SLC6A6: variants seen among roughly 807,000 people sequenced by gnomAD.
SLC6A6 encodes solute carrier family 6 member 6.
In SLC6A6, 16 loss-of-function variants were observed where a neutral mutation model predicts 68.8. The observed-to-expected ratio is 0.23, with a 90% CI of 0.16 to 0.35. SLC6A6 has a LOEUF of 0.35. Ranked by LOEUF, SLC6A6 falls within the 10% of genes least tolerant of loss-of-function variation. The pLI is 1.00. For missense variants in SLC6A6, 474 were observed against 802.8 expected (o/e 0.59, Z 4.95); for synonymous variants, 312 against 315.4 (o/e 0.99, Z 0.12).
intron 2 of SLC6A6, among the ~76,000 whole-genome samples, chr3:14,426,590 A>G (rs1458318355): frequency 6.6e-6 from 1 of 152,260 alleles, no homozygotes; most frequent in Non-Finnish European, 1.5e-5. Context: ...GATTTAAGGA[A>G]AGAAAAAAAT....
intron 2 of SLC6A6, among the ~76,000 whole-genome samples, chr3:14,425,992 C>A (rs1008678946): frequency 6.6e-6 from 1 of 152,176 alleles, no homozygotes; most frequent in African/African-American, 2.4e-5. Context: ...CTGGGCCTCG[C>A]GCAGCCAGGG....
intron 6 of SLC6A6, among the ~76,000 whole-genome samples, chr3:14,461,520 C>T (rs767398448): frequency 2.0e-5 from 3 of 152,220 alleles, no homozygotes; most frequent in Non-Finnish European, 4.4e-5. Context: ...CAGACACTCA[C>T]ACAGGAAGTG....
At chr3:14,432,968 A>T (rs1699763428) in intron 2 of SLC6A6, among the ~76,000 whole-genome samples, 1 of 152,202 alleles carries the variant, frequency 6.6e-6, no homozygotes, top group Non-Finnish European at 1.5e-5. Flanking sequence ...CTTTGACCAG[A>T]GACGTCTTTG....
intron 6 of SLC6A6, among the ~76,000 whole-genome samples, chr3:14,463,630 C>G (rs1700546868): frequency 6.6e-6 from 1 of 152,262 alleles, no homozygotes; most frequent in Non-Finnish European, 1.5e-5. Context: ...GCCTGTCCGC[C>G]TGTCCTCAGG....
At chr3:14,470,231 C>T (rs1172086247) in intron 9 of SLC6A6, among the ~76,000 whole-genome samples, 20 of 152,126 alleles carry the variant, frequency 1.3e-4, no homozygotes, top group Non-Finnish European at 2.9e-5. Context: ...TTTTTCCTCC[C>T]GTCCACTTCA....
intron 2 of SLC6A6, among the ~76,000 whole-genome samples, chr3:14,442,985 T>C (rs900792491): frequency 6.6e-6 from 1 of 152,264 alleles, no homozygotes; most frequent in Non-Finnish European, 1.5e-5. Context: ...ATTGCACATC[T>C]ATTTCATAAA....
chr3:14,418,480 G>T (rs55690701), intron 2 of SLC6A6, among the ~76,000 whole-genome samples: 5,459 of 152,206 alleles, frequency 0.036, 297 homozygotes, highest in African/African-American at 0.12. Flanking sequence ...CATCGGGCAG[G>T]GGTGTGTACC....
chr3:14,404,001 C>T (rs1699048387), intron 1 of SLC6A6, among the ~76,000 whole-genome samples: 1 of 152,200 alleles, frequency 6.6e-6, no homozygotes. Flanking sequence ...CAGCCTGGGC[C>T]CCCGTTTCCT....
At chr3:14,442,491 C>T (rs546643982) in intron 2 of SLC6A6, among the ~76,000 whole-genome samples, 70 of 152,318 alleles carry the variant, frequency 4.6e-4, no homozygotes, top group African/African-American at 1.4e-3. Flanking sequence ...TGTTTCCTCA[C>T]GCTGTGGGCT....
intron 2 of SLC6A6, among the ~76,000 whole-genome samples, chr3:14,422,001 G>C (rs948468415): frequency 1.3e-5 from 2 of 152,158 alleles, no homozygotes; most frequent in Admixed American, 1.3e-4. Flanking sequence ...TCTTAAGGGA[G>C]GGGGCTTTTT....
chr3:14,424,012 C>G (rs1433280603), intron 2 of SLC6A6, among the ~76,000 whole-genome samples: 1 of 152,116 alleles, frequency 6.6e-6, no homozygotes, highest in Non-Finnish European at 1.5e-5. Flanking sequence ...GTCATGGAGT[C>G]AAGACCTTTT....
At chr3:14,409,421 C>A (rs974494621) in intron 1 of SLC6A6, among the ~76,000 whole-genome samples, 2 of 152,214 alleles carry the variant, frequency 1.3e-5, no homozygotes, top group African/African-American at 4.8e-5. Flanking sequence ...GGTGCTTTAT[C>A]CCCCTTCCTG....
chr3:14,417,682 C>A (rs1477734976), intron 2 of SLC6A6, among the ~76,000 whole-genome samples: 1 of 149,010 alleles, frequency 6.7e-6, no homozygotes, highest in Non-Finnish European at 1.5e-5. Context: ...CAGCGAGCCG[C>A]GATCGTGCCA....
chr3:14,424,450 C>A (rs975309173), intron 2 of SLC6A6, among the ~76,000 whole-genome samples: 1 of 151,702 alleles, frequency 6.6e-6, no homozygotes, highest in East Asian at 1.9e-4. Flanking sequence ...GGAAACAGCC[C>A]GTGGAAAGGC....
rs539598858 is a variant in SLC6A6 at position 14,457,306 on chromosome 3, T to TG, written c.600-643dup. On this transcript the variant is annotated intron_variant, in intron 5 of 14. Transcript: ENST00000622186. ...GCAGGGCAGGGGAGGAAACCAGCAT[T>TG]GCTTAGGTGCCGGCTGTGTGCCTGA... Among the ~76,000 whole-genome samples the TG allele has an allele frequency of 1.7e-3, 258 of 152,290 alleles. 1 individual carries two copies. Among genetic ancestry groups the TG allele is most frequent in the African/African-American group, 5.8e-3 (242 of 41,552 alleles).
Position 14,468,335 on chromosome 3 carries a change from A to G in SLC6A6, c.1096+123A>G. The G allele has an allele frequency of 3.4e-6, 2 of 590,140 alleles. No individual in the cohort carries two copies. The allele number at this position is 590,140 out of a possible 1,614,324, so 36.6% of individuals were successfully genotyped here. A position where few individuals can be genotyped will look rare whatever the true frequency, so the allele number is the denominator to read the frequency against. On this transcript the variant is annotated intron_variant, in intron 9 of 14. Coordinates refer to ENST00000622186, the MANE Select transcript of SLC6A6 (RefSeq NM_003043.6). The surrounding 1 kb of genome is among the most constrained non-coding windows in gnomAD (Gnocchi z 4.5). ...GGGACGAGCCTGGTTTCTAAAATGG[A>G]CCCCCCCCCCGCCACCAAGATATCC...
rs1297608460 is a variant in SLC6A6 at position 14,481,796 on chromosome 3, G to A, written c.1677G>A (p.Leu559=). The change falls in exon 14 of 15, where the codon TTG becomes TTA. Residue 559 remains leucine, a synonymous_variant. Transcript: ENST00000622186. The surrounding 1 kb of genome is among the most constrained non-coding windows in gnomAD (Gnocchi z 4.7). ...LALSSMLCVP[L]VIVIRLCQTE... is the part of the protein sequence containing the mutation. The stretch of plus-strand genomic sequence containing the variant: ...TTTCCTCCATGCTCTGCGTTCCCTT[G>A]GTCATCGTCATCCGCCTCTGCCAGA... 2 of 1,613,972 alleles carry A rather than the reference G, an allele frequency of 1.2e-6. No homozygotes were observed. Among genetic ancestry groups the A allele is most frequent in the African/African-American group, 2.7e-5 (2 of 74,914 alleles).
At chr3:14,451,749 C>T (rs1700255856) in intron 5 of SLC6A6, among the ~76,000 whole-genome samples, 1 of 152,216 alleles carries the variant, frequency 6.6e-6, no homozygotes. Context: ...TTGGGTGAAA[C>T]TTATCTGAAT....
intron 3 of SLC6A6, 71 bp downstream of exon 3, chr3:14,443,934 G>A (rs751955690): frequency 9.2e-6 from 10 of 1,089,210 alleles, no homozygotes; most frequent in Admixed American, 7.3e-5. Flanking sequence ...GCTGGGACCA[G>A]AGCGTGGGTG....
Sources: allele counts gnomAD v4.1 joint callset (sites outside exome capture counted in the v4.1 genomes callset), GRCh38; gene constraint gnomAD v4.1.1; non-coding constraint Gnocchi (gnomAD v3.1); transcripts MANE v1.5; gene names NCBI Gene and HGNC (gene_info 2026-07-23, HGNC 2026-07-21).